DLGAP1: variants seen among roughly 807,000 people sequenced by gnomAD.
DLGAP1 encodes the protein DLG associated protein 1, also known as disks large-associated protein 1.
In DLGAP1, 11 loss-of-function variants were observed where a neutral mutation model predicts 90.8. The ratio of observed to expected loss-of-function variants is 0.12; its 90% CI spans 0.08 to 0.20. The LOEUF is 0.20. DLGAP1 is among the 10% of genes least tolerant of loss of function. The probability of loss-of-function intolerance (pLI) is 1.00; values close to 1 mark genes in which losing one functional copy is unlikely to be tolerated. For synonymous variants in DLGAP1, 558 were observed against 540.7 expected (o/e 1.03, Z -0.44); for missense variants, 1,050 against 1,333.8 (o/e 0.79, Z 3.31).
chr18:4,394,506 G>A (rs909216170), intron 1 of DLGAP1, among the ~76,000 whole-genome samples: 1 of 152,070 alleles, frequency 6.6e-6, no homozygotes, highest in Non-Finnish European at 1.5e-5. Context: ...CTACTTGGAA[G>A]GATTCCTTTG....
At chr18:4,046,472 G>A (rs2075055737) in intron 2 of DLGAP1, among the ~76,000 whole-genome samples, 1 of 152,256 alleles carries the variant, frequency 6.6e-6, no homozygotes, top group South Asian at 2.1e-4. Context: ...ACAATTCTTA[G>A]GATACAAAAA....
intron 3 of DLGAP1, among the ~76,000 whole-genome samples, chr18:3,902,018 G>A (rs2071795040): frequency 6.6e-6 from 1 of 152,158 alleles, no homozygotes; most frequent in Admixed American, 6.5e-5. Context: ...GTGCATGTCT[G>A]CCTTCCCACT....
intron 2 of DLGAP1, among the ~76,000 whole-genome samples, chr18:4,115,819 C>T (rs767508490): frequency 3.7e-4 from 57 of 152,312 alleles, no homozygotes; most frequent in Middle Eastern, 3.4e-3. Context: ...ACCTTCTCTG[C>T]ACTGTTTTTG....
intron 3 of DLGAP1, among the ~76,000 whole-genome samples, chr18:3,963,226 TCAC>T (rs976176473): frequency 1.3e-5 from 2 of 152,120 alleles, no homozygotes; most frequent in African/African-American, 4.8e-5. Context: ...CTTGGAGGCT[TCAC>T]CTGAAGCTGG....
intron 4 of DLGAP1, among the ~76,000 whole-genome samples, chr18:3,864,723 G>A (rs1239042316): frequency 2.0e-5 from 3 of 152,056 alleles, no homozygotes; most frequent in African/African-American, 7.2e-5. Flanking sequence ...TCTGTTATAA[G>A]GATTTAATAT....
At chr18:3,908,683 T>C (rs1193371726) in intron 3 of DLGAP1, among the ~76,000 whole-genome samples, 1 of 152,230 alleles carries the variant, frequency 6.6e-6, no homozygotes, top group East Asian at 1.9e-4. Flanking sequence ...CTCACAAATA[T>C]ACTTTTTCTC....
chr18:3,640,575 C>A (rs769282994), intron 7 of DLGAP1, among the ~76,000 whole-genome samples: 53 of 152,318 alleles, frequency 3.5e-4, no homozygotes, highest in Admixed American at 1.4e-3. Flanking sequence ...GGGTGGTTCC[C>A]CAGTGTCCCA....
chr18:4,392,647 A>C lies in DLGAP1; in HGVS notation c.-267+62359T>G, dbSNP rs1000838389. On this transcript the variant is annotated intron_variant, in intron 1 of 12. Coordinates refer to ENST00000315677, the MANE Select transcript of DLGAP1 (RefSeq NM_004746.4). ...AAGACAGGAAGCTTTATAATCTACT[A>C]AACTCTGTAATAACTGTACAGTCTA... Among the ~76,000 whole-genome samples the C allele has an allele frequency of 2.0e-5, 3 of 152,176 alleles. No homozygotes were observed. The East Asian group carries it at 5.8e-4, about 29-fold the overall frequency.
chr18:3,930,423 G>A (rs954850241), intron 3 of DLGAP1, among the ~76,000 whole-genome samples: 2 of 152,124 alleles, frequency 1.3e-5, no homozygotes, highest in African/African-American at 4.8e-5. Context: ...GGAGTTTTTG[G>A]AGCAGTCTGT....
At chr18:4,052,493 C>T (rs12961068) in intron 2 of DLGAP1, among the ~76,000 whole-genome samples, 41,166 of 151,896 alleles carry the variant, frequency 0.27, 6,015 homozygotes, top group South Asian at 0.33. Context: ...GACACAGTCC[C>T]GAGGCTGGGC....
intron 4 of DLGAP1, among the ~76,000 whole-genome samples, chr18:3,859,572 T>G (rs1201211911): frequency 2.0e-5 from 3 of 152,028 alleles, no homozygotes; most frequent in African/African-American, 4.8e-5. Flanking sequence ...AGAAGGAAAG[T>G]CAGAGCGAGA....
At chr18:3,927,301 A>G (rs895684320) in intron 3 of DLGAP1, among the ~76,000 whole-genome samples, 2 of 152,222 alleles carry the variant, frequency 1.3e-5, no homozygotes, top group Admixed American at 1.3e-4. Context: ...GGAACATGTG[A>G]TTGTCATCTC....
intron 9 of DLGAP1, among the ~76,000 whole-genome samples, chr18:3,563,948 C>T (rs961383236): frequency 1.1e-4 from 16 of 152,134 alleles, no homozygotes; most frequent in African/African-American, 3.9e-4. Context: ...TCTTAGAACT[C>T]TTTTTCATTC....
At chr18:3,993,948 G>A (rs975675143) in intron 3 of DLGAP1, among the ~76,000 whole-genome samples, 1 of 152,058 alleles carries the variant, frequency 6.6e-6, no homozygotes, top group Non-Finnish European at 1.5e-5. Context: ...AGCCTGACAT[G>A]TGTAAGACTT....
chr18:4,161,150 A>G (rs2076837524), intron 1 of DLGAP1, among the ~76,000 whole-genome samples: 1 of 151,764 alleles, frequency 6.6e-6, no homozygotes, highest in South Asian at 2.1e-4. Flanking sequence ...AACATGTGCC[A>G]TGGTGCTTTG....
At chr18:4,171,276 C>G (rs985857161) in intron 1 of DLGAP1, among the ~76,000 whole-genome samples, 1 of 152,110 alleles carries the variant, frequency 6.6e-6, no homozygotes, top group Non-Finnish European at 1.5e-5. Flanking sequence ...TGGCTCACAC[C>G]TGTAATCCCA....
chr18:3,626,012 G>C (rs2058280801), intron 7 of DLGAP1, among the ~76,000 whole-genome samples: 1 of 152,132 alleles, frequency 6.6e-6, no homozygotes, highest in African/African-American at 2.4e-5. Flanking sequence ...AGATGAAAAT[G>C]TGGCTGGGAG....
intron 2 of DLGAP1, among the ~76,000 whole-genome samples, chr18:4,123,658 T>C (rs1215664241): frequency 6.6e-6 from 1 of 152,152 alleles, no homozygotes; most frequent in African/African-American, 2.4e-5. Flanking sequence ...GCATAACCCA[T>C]GAGTTGTGGA....
chr18:4,233,006 C>A (rs2078332445), intron 1 of DLGAP1, among the ~76,000 whole-genome samples: 1 of 152,166 alleles, frequency 6.6e-6, no homozygotes, highest in Non-Finnish European at 1.5e-5. Context: ...AGAATCATGA[C>A]TGCTCATGAA....
Sources: allele counts gnomAD v4.1 joint callset (sites outside exome capture counted in the v4.1 genomes callset), GRCh38; gene constraint gnomAD v4.1.1; transcripts MANE v1.5; gene names NCBI Gene and HGNC (gene_info 2026-07-23, HGNC 2026-07-21).